The following KIF3A variants were observed in gnomAD, a reference collection of about 807,000 sequenced individuals.
The protein encoded by KIF3A is kinesin-like protein KIF3A.
Under a neutral mutation model 92.6 loss-of-function variants are expected in KIF3A, and 27 were observed. The ratio of observed to expected loss-of-function variants is 0.29; its 90% CI spans 0.21 to 0.40. The LOEUF is 0.40. Among genes scored for constraint, KIF3A ranks in the 10% least tolerant of loss-of-function variants. The pLI, the probability that KIF3A is intolerant of heterozygous loss-of-function variation, is 1.00. For missense variants in KIF3A, 581 were observed against 872.6 expected (o/e 0.67, Z 4.21); for synonymous variants, 250 against 275.4 (o/e 0.91, Z 0.92).
chr5:132,725,354 C>T (rs1051671830), intron 4 of KIF3A, among the ~76,000 whole-genome samples: 4 of 152,072 alleles, frequency 2.6e-5, no homozygotes, highest in Non-Finnish European at 5.9e-5. Context: ...GAAAAAAAAG[C>T]TAATATTTAT....
At chr5:132,716,820 C>T in intron 6 of KIF3A, 25 bp downstream of exon 6, 1 of 1,607,570 alleles carries the variant, frequency 6.2e-7, no homozygotes, top group Non-Finnish European at 8.5e-7. Context: ...AAGAGTTATT[C>T]CTTAAGCAGT....
At chr5:132,705,582 T>C (rs979613069) in intron 11 of KIF3A, among the ~76,000 whole-genome samples, 1 of 152,040 alleles carries the variant, frequency 6.6e-6, no homozygotes. Flanking sequence ...ACATTAGTAA[T>C]TTAAAACCAT....
intron 14 of KIF3A, 62 bp from the exon 15 acceptor site, chr5:132,702,274 T>A (rs1753063594): frequency 2.6e-6 from 4 of 1,536,810 alleles, no homozygotes; most frequent in Non-Finnish European, 3.6e-6. Context: ...AACAGCACCA[T>A]CTCACATAGG....
At position 132,715,830 on chromosome 5, in the gene KIF3A, ATTAATTCTAGC is replaced by A; in HGVS notation, c.1045_1055del (p.Ala349Ter). The A allele has an allele frequency of 6.2e-7, 1 of 1,612,066 alleles. No homozygotes were observed. Among genetic ancestry groups the A allele is most frequent in the East Asian group, 2.2e-5 (1 of 44,796 alleles). On this transcript the variant is annotated frameshift_variant, in exon 8 of 19. Transcript: ENST00000403231. LOFTEE classifies it high-confidence loss of function. ...GCAGCAAAGCATCCTTTGGATCTTC[ATTAATTCTAGC>A]TTTATTTTTAATATTCTTAGCACGA...
In KIF3A at chr5:132,694,913, C is replaced by T. The variant is rs564105945; in HGVS notation, c.*1721G>A. ...CACAGGACATTCAGTATTCCAATTA[C>T]AGAATGGACTTTAAATTTATGGGTA... is the stretch of plus-strand genomic sequence containing the variant. On this transcript the variant is annotated 3_prime_UTR_variant, in exon 19 of 19. Coordinates refer to ENST00000403231, the MANE Select transcript of KIF3A (RefSeq NM_001300791.2). The T allele has an allele frequency of 1.3e-5, 2 of 152,392 alleles. No homozygotes were observed. Among genetic ancestry groups the T allele is most frequent in the South Asian group, 4.1e-4 (2 of 4,822 alleles). 9.4% of individuals were successfully genotyped at this position (152,392 alleles called of 1,614,324 possible). A position where few individuals can be genotyped will look rare whatever the true frequency, so the allele number is the denominator to read the frequency against.
At chr5:132,709,199 T>C (rs1753330233) in intron 9 of KIF3A, among the ~76,000 whole-genome samples, 1 of 152,238 alleles carries the variant, frequency 6.6e-6, no homozygotes, top group South Asian at 2.1e-4. Flanking sequence ...GAAAGTGTAC[T>C]GCTTTAAGCA....
In KIF3A at chr5:132,726,194, A is replaced by G; in HGVS notation, c.444T>C (p.Ser148=). ...CTTCTTCATTATATATTTCCAAATA[A>G]GACACTCGAACCAAAAATCTATAAA... ...EGDTRFLVRV[S]YLEIYNEEVR... The change falls in exon 4 of 19, where the codon TCT becomes TCC. Residue 148 remains serine, a synonymous_variant. Coordinates refer to ENST00000403231, the MANE Select transcript of KIF3A (RefSeq NM_001300791.2). 1 of 1,610,826 alleles carries G rather than the reference A, an allele frequency of 6.2e-7. No homozygotes were observed. The highest frequency in any genetic ancestry group is 8.5e-7 in the Non-Finnish European group (1 of 1,178,622).
intron 8 of KIF3A, among the ~76,000 whole-genome samples, chr5:132,714,364 T>C (rs560758444): frequency 6.6e-6 from 1 of 152,342 alleles, no homozygotes; most frequent in East Asian, 1.9e-4. Flanking sequence ...CAGAACAATG[T>C]GAATGTAATG....
intron 10 of KIF3A, among the ~76,000 whole-genome samples, chr5:132,708,476 G>T (rs144560622): frequency 4.1e-4 from 62 of 152,192 alleles, no homozygotes; most frequent in African/African-American, 1.3e-3. Flanking sequence ...TAAAAAATTT[G>T]TAATTGTACG....
At chr5:132,699,814 G>A (rs190000841) in intron 17 of KIF3A, among the ~76,000 whole-genome samples, 3,807 of 151,444 alleles carry the variant, frequency 0.025, 100 homozygotes, top group African/African-American at 0.07. Flanking sequence ...CACCCGCCTC[G>A]GCCTCCCAAA....
intron 5 of KIF3A, 103 bp downstream of exon 5, chr5:132,720,506 T>A: frequency 1.6e-6 from 1 of 614,904 alleles, no homozygotes; most frequent in Non-Finnish European, 2.9e-6. Flanking sequence ...TCAAGAAACC[T>A]AAAAAATCCA....
rs754522278 is a variant in KIF3A, at chr5:132,702,899, G to A, written c.1633C>T (p.Leu545Phe). The A allele has an allele frequency of 6.2e-7, 1 of 1,612,450 alleles. No individual in the cohort carries two copies. Among genetic ancestry groups the A allele is most frequent in the Non-Finnish European group, 8.5e-7 (1 of 1,179,500 alleles). The change falls in exon 13 of 19, where the codon CTT becomes TTT. Residue 545 changes from leucine to phenylalanine, a missense_variant. Leu to Phe is a conservative substitution (Grantham distance 22). Transcript: ENST00000403231. ...AGTCACATTACCTCTTTTTCCTCAA[G>A]TTCTCTGCGAAGTTGCTCTGCTCTT... ...RKRAEQLRRE[L>F]EEKEQERLDI...
At chr5:132,735,607 T>C (rs140871787) in intron 1 of KIF3A, among the ~76,000 whole-genome samples, 122 of 152,318 alleles carry the variant, frequency 8.0e-4, no homozygotes, top group Middle Eastern at 3.4e-3. Context: ...CCTATTCCTC[T>C]CATCTATTCA....
chr5:132,707,944 C>T (rs888561351), intron 10 of KIF3A, among the ~76,000 whole-genome samples: 2 of 152,170 alleles, frequency 1.3e-5, no homozygotes, highest in African/African-American at 4.8e-5. Context: ...ATGGATCCTG[C>T]ATAAAATCCA....
downstream of KIF3A, among the ~76,000 whole-genome samples, chr5:132,690,830 G>A (rs528696464): frequency 6.8e-6 from 1 of 147,630 alleles, no homozygotes; most frequent in South Asian, 2.1e-4. Flanking sequence ...GGGAGGCTGA[G>A]GCAGGAGAAT....
chr5:132,699,295 G>A lies in KIF3A; in HGVS notation c.2008C>T (p.Pro670Ser), dbSNP rs765820070. The A allele has an allele frequency of 3.7e-6, 6 of 1,612,464 alleles. 1 individual carries two copies. The highest frequency in any genetic ancestry group is 2.2e-5 in the South Asian group (2 of 90,696). Reference protein sequence around the residue: ...TPVPDKKEKDPFEVDLSHVYL... With the variant: ...TPVPDKKEKDSFEVDLSHVYL... ...ACGTGAGAAAGGTCCACCTCAAAGGGCTAAGTAAAAGAAACAAACACAAAG... is the reference window on the plus strand; with the variant it reads ...ACGTGAGAAAGGTCCACCTCAAAGGACTAAGTAAAAGAAACAAACACAAAG... Residue 670 changes from proline to serine, a missense_variant and splice_region_variant, in exon 18 of 19, where the codon CCC becomes TCC. By Grantham distance (74) the Pro-to-Ser change is moderately conservative. Transcript: ENST00000403231.
Position 132,702,232 on chromosome 5 carries a change from A to G in KIF3A, c.1759-20T>C. On this transcript the variant is annotated intron_variant, in intron 14 of 18. Coordinates refer to ENST00000403231, the MANE Select transcript of KIF3A (RefSeq NM_001300791.2). The stretch of plus-strand genomic sequence containing the variant: ...AGCCATCTACCAGAAAATCCATAAA[A>G]ATATTATGAACAAACAAGACTTTAA... The G allele has an allele frequency of 1.9e-6, 3 of 1,611,680 alleles. No individual in the cohort carries two copies. Among genetic ancestry groups the G allele is most frequent in the Non-Finnish European group, 2.5e-6 (3 of 1,178,222 alleles).
At chr5:132,723,442 CA>C (rs1753895862) in intron 4 of KIF3A, 1 of 152,090 alleles carries the variant, frequency 6.6e-6, no homozygotes, top group Non-Finnish European at 1.5e-5. Flanking sequence ...GTACTGGTAC[CA>C]AAACAGAGAT....
intron 4 of KIF3A, among the ~76,000 whole-genome samples, chr5:132,722,495 C>T (rs1453145341): frequency 6.6e-6 from 1 of 152,138 alleles, no homozygotes; most frequent in Non-Finnish European, 1.5e-5. Context: ...ACCAGGAATA[C>T]TAAACATCCT....
Sources: gnomAD v4.1 joint callset for allele counts (sites outside exome capture counted in the v4.1 genomes callset) on GRCh38, gnomAD v4.1.1 for gene constraint, MANE v1.5 for transcripts, NCBI Gene and HGNC (gene_info 2026-07-23, HGNC 2026-07-21) for gene names.